The following MYZAP variants were observed in gnomAD, a reference collection of about 807,000 sequenced individuals.
MYZAP encodes GRINL1A complex locus upstream.
MYZAP carries 66 observed loss-of-function variants against 69.4 expected under a neutral mutation model. That is an observed-to-expected ratio of 0.95 (90% CI 0.78 to 1.17). MYZAP has a LOEUF of 1.17. MYZAP is among the 50% of genes most tolerant of loss of function. The pLI is 0.00. For synonymous variants in MYZAP, 256 were observed against 205.9 expected, an observed-to-expected ratio of 1.24 and a Z score of -2.09; for missense variants, 611 against 556.2, an observed-to-expected ratio of 1.10 and a Z score of -0.99.
At chr15:57,641,841 T>C (rs2037180050) in intron 10 of MYZAP, among the ~76,000 whole-genome samples, 1 of 152,188 alleles carries the variant, frequency 6.6e-6, no homozygotes, top group Non-Finnish European at 1.5e-5. Context: ...TCAAGGGGCA[T>C]GGACAGGTGA....
intron 4 of MYZAP, 64 bp from the exon 5 acceptor site, chr15:57,625,714 TA>T: frequency 6.8e-7 from 1 of 1,474,312 alleles, no homozygotes; most frequent in Non-Finnish European, 9.5e-7. Flanking sequence ...AGTTCCAGCC[TA>T]ACTGAAGATT....
chr15:57,659,206 T>A (rs1180665792), intron 10 of MYZAP, among the ~76,000 whole-genome samples: 1 of 152,200 alleles, frequency 6.6e-6, no homozygotes, highest in Non-Finnish European at 1.5e-5. Flanking sequence ...ACACCTCATG[T>A]CCTTGTTTTC....
intron 8 of MYZAP, among the ~76,000 whole-genome samples, chr15:57,635,213 G>A (rs1453154146): frequency 6.6e-6 from 1 of 152,196 alleles, no homozygotes; most frequent in African/African-American, 2.4e-5. Context: ...GTAAAATGCT[G>A]ATAATGGTAC....
intron 1 of MYZAP, among the ~76,000 whole-genome samples, chr15:57,593,212 A>ACACACACACACT (rs770540454): frequency 8.0e-6 from 1 of 124,908 alleles, no homozygotes; most frequent in South Asian, 2.5e-4. Flanking sequence ...ACACACACAC[A>ACACACACACACT]CACCCCAGAA....
intron 12 of MYZAP, among the ~76,000 whole-genome samples, chr15:57,675,957 A>G (rs79709192): frequency 0.012 from 1,806 of 152,222 alleles, 19 homozygotes; most frequent in African/African-American, 0.029. Flanking sequence ...GCTTTGCTGG[A>G]CATAGTAGTC....
At chr15:57,603,433 C>T (rs759118283) in intron 1 of MYZAP, among the ~76,000 whole-genome samples, 2 of 152,224 alleles carry the variant, frequency 1.3e-5, no homozygotes, top group South Asian at 2.1e-4. Context: ...CCATCTATCT[C>T]GAGGATTTTT....
At chr15:57,636,117 G>A (rs1227486493) in intron 8 of MYZAP, among the ~76,000 whole-genome samples, 4 of 151,982 alleles carry the variant, frequency 2.6e-5, no homozygotes, top group Non-Finnish European at 5.9e-5. Flanking sequence ...CTTTATGACA[G>A]CCTTTTTCTT....
chr15:57,593,185 G>GGTGCAT (rs1595839808), intron 1 of MYZAP, among the ~76,000 whole-genome samples: 3 of 31,676 alleles, frequency 9.5e-5, no homozygotes, highest in Admixed American at 4.4e-4. Flanking sequence ...TGTGTACACA[G>GGTGCAT]GCGCACACAC....
intron 11 of MYZAP, among the ~76,000 whole-genome samples, chr15:57,668,576 G>C (rs1425013280): frequency 3.3e-5 from 5 of 152,198 alleles, no homozygotes; most frequent in Non-Finnish European, 7.3e-5. Flanking sequence ...AGGGGATATA[G>C]AGTGCTGTCT....
chr15:57,617,377 A>T (rs1476741661), intron 2 of MYZAP, among the ~76,000 whole-genome samples: 1 of 152,154 alleles, frequency 6.6e-6, no homozygotes, highest in Non-Finnish European at 1.5e-5. Context: ...TGGACATGTT[A>T]CTGTTTCTCA....
chr15:57,617,970 T>A (rs2035579719), intron 2 of MYZAP, 63 bp from the exon 3 acceptor site: 6 of 1,556,916 alleles, frequency 3.9e-6, no homozygotes, highest in Non-Finnish European at 5.2e-6. Context: ...GGGCCCGTTA[T>A]TACAACTGTG....
At position 57,607,397 on chromosome 15, in the gene MYZAP, G is replaced by T. The variant is rs796142386; in HGVS notation, c.162+3042G>T. ...CTGTGTCAACTGGAGTCAACAAATT[G>T]TGTGTCAGTTTGCCTATTTGGCTTG... is the stretch of plus-strand genomic sequence containing the variant. On this transcript the variant is annotated intron_variant, in intron 2 of 12. Transcript: ENST00000267853. Among the ~76,000 whole-genome samples the T allele has an allele frequency of 8.5e-5, 13 of 152,236 alleles. No homozygotes were observed. In the East Asian group the frequency reaches 1.5e-3, roughly 18 times the overall value.
At chr15:57,612,174 T>C (rs1451425394) in intron 2 of MYZAP, among the ~76,000 whole-genome samples, 1 of 152,210 alleles carries the variant, frequency 6.6e-6, no homozygotes, top group African/African-American at 2.4e-5. Flanking sequence ...GGTTAGCTGC[T>C]GCCCTCTGGC....
intron 3 of MYZAP, among the ~76,000 whole-genome samples, chr15:57,618,883 G>A (rs145302613): frequency 6.8e-4 from 104 of 152,276 alleles, no homozygotes; most frequent in African/African-American, 2.5e-3. Flanking sequence ...AAGAGGAGAT[G>A]GCCTGCTCTG....
At chr15:57,665,121 C>G (rs543126450) in intron 11 of MYZAP, among the ~76,000 whole-genome samples, 1 of 152,336 alleles carries the variant, frequency 6.6e-6, no homozygotes, top group Admixed American at 6.5e-5. Flanking sequence ...AGACTATCAT[C>G]AAACTCAGCT....
chr15:57,592,072 G>T lies in MYZAP; in HGVS notation c.38G>T (p.Gly13Val). ...RSTSTVTLLS[G>V]GAARTPGAPS... is the part of the protein sequence containing the mutation. ...ACGTCCACGGTCACCCTGCTCTCGG[G>T]CGGCGCCGCCAGGACGCCCGGGGCG... Residue 13 changes from glycine (G) to valine (V), a missense_variant, in exon 1 of 13, where the codon GGC (glycine) becomes GTC (valine). Physicochemically the swap from Gly to Val is moderately radical, Grantham distance 109. Transcript: ENST00000267853. 1 of 1,391,498 alleles carries T rather than the reference G, an allele frequency of 7.2e-7. No individual in the cohort carries two copies. Among genetic ancestry groups the T allele is most frequent in the Non-Finnish European group, 9.3e-7 (1 of 1,076,074 alleles). 86.2% of individuals were successfully genotyped at this position (1,391,498 alleles called of 1,614,324 possible).
intron 11 of MYZAP, among the ~76,000 whole-genome samples, chr15:57,669,043 A>C (rs2038744633): frequency 6.6e-6 from 1 of 151,796 alleles, no homozygotes; most frequent in Non-Finnish European, 1.5e-5. Flanking sequence ...GGTGCATGCC[A>C]CCACGCTCGG....
chr15:57,649,638 C>A (rs2037627591), intron 10 of MYZAP, among the ~76,000 whole-genome samples: 1 of 152,080 alleles, frequency 6.6e-6, no homozygotes, highest in Admixed American at 6.6e-5. Flanking sequence ...CCATTATCTT[C>A]TCCTAGTCAA....
intron 12 of MYZAP, among the ~76,000 whole-genome samples, chr15:57,675,570 G>A (rs1451441541): frequency 6.6e-6 from 1 of 152,086 alleles, no homozygotes; most frequent in African/African-American, 2.4e-5. Context: ...ACTGTAACAG[G>A]GTATTGTCAA....
Sources: allele counts gnomAD v4.1 joint callset (sites outside exome capture counted in the v4.1 genomes callset), GRCh38; gene constraint gnomAD v4.1.1; transcripts MANE v1.5; gene names NCBI Gene and HGNC (gene_info 2026-07-23, HGNC 2026-07-21).